The following DAB1 variants were observed in gnomAD, a reference collection of about 807,000 sequenced individuals.
The protein encoded by DAB1 is disabled homolog 1.
A neutral mutation model predicts 64.6 loss-of-function variants in DAB1; 15 were observed. That is an observed-to-expected ratio of 0.23 (90% CI 0.16 to 0.36). The LOEUF is 0.36. DAB1 is among the 10% of genes least tolerant of loss of function. The pLI is 1.00. For missense variants in DAB1, 596 were observed against 706.7 expected (o/e 0.84, Z 1.78); for synonymous variants, 235 against 251.9 (o/e 0.93, Z 0.64).
upstream of DAB1, among the ~76,000 whole-genome samples, chr1:57,425,270 G>T (rs1347445448): frequency 6.6e-6 from 1 of 152,100 alleles, no homozygotes; most frequent in Non-Finnish European, 1.5e-5. Context: ...AAAGTTTACC[G>T]TTACTCTTTT....
chr1:57,064,530 G>A (rs1367148481), intron 8 of DAB1, among the ~76,000 whole-genome samples: 5 of 152,094 alleles, frequency 3.3e-5, no homozygotes, highest in Non-Finnish European at 1.5e-5. Flanking sequence ...AATATCTCTG[G>A]CAGTAGAGAT....
chr1:57,525,045 A>G (rs1263671121), intron 7 of DAB1, among the ~76,000 whole-genome samples: 1 of 152,256 alleles, frequency 6.6e-6, no homozygotes, highest in African/African-American at 2.4e-5. Flanking sequence ...CAAATGATTA[A>G]TCAAGGATAA....
chr1:58,088,297 C>G (rs1282587579), intron 5 of DAB1, among the ~76,000 whole-genome samples: 3 of 152,170 alleles, frequency 2.0e-5, no homozygotes, highest in Non-Finnish European at 4.4e-5. Flanking sequence ...TTGAAAGACA[C>G]TGAAAAATGA....
At chr1:58,193,894 T>C (rs1190267480) in intron 4 of DAB1, among the ~76,000 whole-genome samples, 3 of 150,774 alleles carry the variant, frequency 2.0e-5, no homozygotes, top group Non-Finnish European at 4.4e-5. Flanking sequence ...AAAACAGAGT[T>C]ACAAAGAGGT....
chr1:58,263,477 C>T (rs1351948173), intron 4 of DAB1, among the ~76,000 whole-genome samples: 1 of 152,134 alleles, frequency 6.6e-6, no homozygotes, highest in African/African-American at 2.4e-5. Context: ...TCAATGTCTG[C>T]CCAATGTCAG....
rs573051680 is a variant in DAB1, at chr1:58,241,029, T to G, written n.310-90441A>C. On this transcript the variant is annotated intron_variant and non_coding_transcript_variant, in intron 4 of 20. Coordinates refer to the DAB1 transcript ENST00000485760. ...AATTTTAAATCCACACATAAAGATA[T>G]GAGAATTTAAAATCCATATATCCAT... Among the ~76,000 whole-genome samples the G allele has an allele frequency of 2.0e-5, 3 of 152,236 alleles. No homozygotes were observed. The East Asian group carries it at 5.8e-4, about 29-fold the overall frequency.
At chr1:57,677,596 C>T (rs1251832948) in intron 6 of DAB1, among the ~76,000 whole-genome samples, 2 of 152,104 alleles carry the variant, frequency 1.3e-5, no homozygotes, top group African/African-American at 4.8e-5. Flanking sequence ...ATCTGTTTTC[C>T]CCACAAAACC....
intron 1 of DAB1, among the ~76,000 whole-genome samples, chr1:57,407,178 C>G (rs1403119273): frequency 6.6e-6 from 1 of 152,212 alleles, no homozygotes. Context: ...GTGGTGGTGA[C>G]TGTTTTCCCC....
chr1:58,108,669 A>G (rs1384789574), intron 5 of DAB1, among the ~76,000 whole-genome samples: 1 of 152,202 alleles, frequency 6.6e-6, no homozygotes, highest in Non-Finnish European at 1.5e-5. Flanking sequence ...CACTGCTATG[A>G]GCTCCAAAGC....
intron 12 of DAB1, among the ~76,000 whole-genome samples, chr1:57,012,096 C>A (rs945086685): frequency 6.6e-6 from 1 of 152,142 alleles, no homozygotes. Context: ...TTAATAAATT[C>A]TAATTTGTCA....
chr1:57,992,894 G>A (rs908990927), intron 5 of DAB1, among the ~76,000 whole-genome samples: 6 of 152,120 alleles, frequency 3.9e-5, no homozygotes, highest in Middle Eastern at 3.4e-3. Context: ...CAGTTACCTA[G>A]GAGGGAAAGG....
chr1:58,433,811 G>T (rs945557101), intron 3 of DAB1, among the ~76,000 whole-genome samples: 1 of 151,998 alleles, frequency 6.6e-6, no homozygotes, highest in African/African-American at 2.4e-5. Context: ...ACCTCTTAAC[G>T]GTCCAACCTC....
intron 3 of DAB1, among the ~76,000 whole-genome samples, chr1:58,473,001 T>C (rs1487880080): frequency 6.6e-6 from 1 of 152,158 alleles, no homozygotes; most frequent in African/African-American, 2.4e-5. Context: ...GGGCAGGTGT[T>C]ATAGAAGATT....
intron 7 of DAB1, among the ~76,000 whole-genome samples, chr1:57,486,946 A>G (rs1282109038): frequency 6.6e-6 from 1 of 151,956 alleles, no homozygotes; most frequent in African/African-American, 2.4e-5. Context: ...TGTACCCACA[A>G]AAATTAAAAA....
chr1:57,899,248 A>G (rs1055118144), intron 5 of DAB1, among the ~76,000 whole-genome samples: 16 of 152,250 alleles, frequency 1.1e-4, no homozygotes, highest in Middle Eastern at 3.4e-3. Context: ...AAATTTCCTC[A>G]TGAAATAGAA....
At chr1:58,226,706 T>C (rs1265219319) in intron 4 of DAB1, among the ~76,000 whole-genome samples, 1 of 152,242 alleles carries the variant, frequency 6.6e-6, no homozygotes, top group Non-Finnish European at 1.5e-5. Context: ...TGTAGTCTTT[T>C]GTATAATCCT....
intron 6 of DAB1, among the ~76,000 whole-genome samples, chr1:57,798,889 C>T (rs765335236): frequency 6.6e-6 from 1 of 152,102 alleles, no homozygotes; most frequent in Admixed American, 6.5e-5. Flanking sequence ...TTACATATGC[C>T]TATACACATT....
At chr1:58,282,209 T>C (rs960970475) in intron 4 of DAB1, among the ~76,000 whole-genome samples, 7 of 152,168 alleles carry the variant, frequency 4.6e-5, no homozygotes, top group Non-Finnish European at 1.0e-4. Flanking sequence ...TCCCTGAGTA[T>C]CTCAGATGGG....
intron 4 of DAB1, among the ~76,000 whole-genome samples, chr1:58,267,477 T>A (rs1396265802): frequency 6.6e-6 from 1 of 152,126 alleles, no homozygotes; most frequent in Non-Finnish European, 1.5e-5. Flanking sequence ...TCACGACCAA[T>A]GGAAGACAGC....
Sources: allele counts gnomAD v4.1 joint callset (sites outside exome capture counted in the v4.1 genomes callset), GRCh38; gene constraint gnomAD v4.1.1; transcripts MANE v1.5; gene names NCBI Gene and HGNC (gene_info 2026-07-23, HGNC 2026-07-21).